POLR1C: variants seen among roughly 807,000 people sequenced by gnomAD.
POLR1C encodes the protein RNA polymerase I and III subunit C.
POLR1C carries 42 observed loss-of-function variants against 38.3 expected under a neutral mutation model. The ratio of observed to expected loss-of-function variants is 1.10; its 90% confidence interval spans 0.86 to 1.42. POLR1C has a LOEUF of 1.42. Among genes scored for constraint, POLR1C ranks in the 40% most tolerant of loss-of-function variants. POLR1C has a pLI of 0.00. For missense variants in POLR1C, 507 were observed against 450.5 expected, an observed-to-expected ratio of 1.13 and a Z score of -1.14; for synonymous variants, 163 against 163.9, an observed-to-expected ratio of 0.99 and a Z score of 0.04.
chr6:43,546,582 A>G, intron 9 of POLR1C: 3 of 1,608,390 alleles, frequency 1.9e-6, no homozygotes, highest in South Asian at 1.1e-5. Flanking sequence ...TTATAAGCGC[A>G]AGCAAATTGT....
chr6:43,524,961 G>T, downstream of POLR1C: 1 of 1,613,122 alleles, frequency 6.2e-7, no homozygotes, highest in Non-Finnish European at 8.5e-7. Flanking sequence ...CAGTGTCCCT[G>T]ACAGCACCTG....
chr6:43,560,311 G>GAAA, intron 10 of POLR1C: 1 of 1,418,134 alleles, frequency 7.1e-7, no homozygotes, highest in Non-Finnish European at 9.4e-7. Flanking sequence ...AAACTAAAGA[G>GAAA]AAAAAAAAAA....
intron 9 of POLR1C, chr6:43,547,377 GA>G (rs1795012410): frequency 1.6e-6 from 1 of 608,438 alleles, no homozygotes; most frequent in Non-Finnish European, 3.0e-6. Flanking sequence ...GCTATTTAGA[GA>G]TCCTTAAAGC....
downstream of POLR1C, chr6:43,524,071 C>A: frequency 6.4e-7 from 1 of 1,571,252 alleles, no homozygotes. Flanking sequence ...ATTCTCTTGG[C>A]CCGGCGCAGT....
downstream of POLR1C, among the ~76,000 whole-genome samples, chr6:43,534,514 C>A (rs959075676): frequency 6.6e-6 from 1 of 152,180 alleles, no homozygotes; most frequent in East Asian, 1.9e-4. Flanking sequence ...AAATGACCTA[C>A]CTGAGCAATT....
downstream of POLR1C, among the ~76,000 whole-genome samples, chr6:43,524,311 C>T (rs955238300): frequency 6.7e-6 from 1 of 150,278 alleles, no homozygotes; most frequent in Non-Finnish European, 1.5e-5. Context: ...GAGATCGTAC[C>T]ACTGCACTCC....
intron 9 of POLR1C, chr6:43,547,664 C>A (rs1276451447): frequency 6.2e-7 from 1 of 1,614,028 alleles, no homozygotes; most frequent in Middle Eastern, 1.6e-4. Context: ...CTCTTCTGAT[C>A]TGTACCCACA....
chr6:43,526,361 A>G, downstream of POLR1C: 1 of 422,026 alleles, frequency 2.4e-6, no homozygotes, highest in Non-Finnish European at 4.4e-6. Flanking sequence ...AGAATAAAGC[A>G]GAGGAATACA....
chr6:43,533,848 A>G, downstream of POLR1C: 1 of 1,315,472 alleles, frequency 7.6e-7, no homozygotes, highest in African/African-American at 1.5e-5. Flanking sequence ...ACAACAAAAA[A>G]AGGGGACATC....
In POLR1C at chr6:43,541,664, C is replaced by T. The variant is rs374546205; in HGVS notation, c.*5-9304C>T. On this transcript the variant is annotated intron_variant, in intron 9 of 10. Transcript: ENST00000607635. ...GATATTTCATAAAAATGAAATCATACAACATATGGCCTTTTGTGTCTGGCT... is the reference window on the plus strand; with the variant it reads ...GATATTTCATAAAAATGAAATCATATAACATATGGCCTTTTGTGTCTGGCT... 8.5e-5 allele frequency among the ~76,000 whole-genome samples: 13 copies of T among 152,318 alleles called. No homozygotes were observed. The South Asian group carries it at 2.5e-3, about 29-fold the overall frequency.
intron 2 of POLR1C, among the ~76,000 whole-genome samples, chr6:43,517,971 TTTTTAACCTG>T (rs1424552733): frequency 5.9e-5 from 9 of 152,172 alleles, no homozygotes; most frequent in Non-Finnish European, 1.3e-4. Context: ...AAATTTTACT[TTTTTAACCTG>T]TTGATACAAG....
rs865979957 is a variant in POLR1C at position 43,520,977 on chromosome 6, G to A, written c.851G>A (p.Ser284Asn). 8 of 1,614,098 alleles carry A rather than the reference G, an allele frequency of 5.0e-6. No homozygotes were observed. In the Admixed American group the frequency reaches 1.0e-4, roughly 20 times the overall value. ...GCCAACCCCCGGCTGGATACCTTCAGCAGAGAAATCTTCCGGAATGAGAAG... is the reference window on the plus strand; with the variant it reads ...GCCAACCCCCGGCTGGATACCTTCAACAGAGAAATCTTCCGGAATGAGAAG... Reference protein sequence around the residue: ...RVANPRLDTFSREIFRNEKLK... With the variant: ...RVANPRLDTFNREIFRNEKLK... Residue 284 changes from serine (S) to asparagine (N), a missense_variant, in exon 8 of 9, where the codon AGC (serine) becomes AAC (asparagine). Coordinates refer to ENST00000642195, the MANE Select transcript of POLR1C (RefSeq NM_203290.4).
chr6:43,544,784 T>C (rs961265989), intron 9 of POLR1C, among the ~76,000 whole-genome samples: 4 of 152,214 alleles, frequency 2.6e-5, no homozygotes, highest in African/African-American at 4.8e-5. Context: ...AAGCCTCTTC[T>C]TGACTAAATG....
Position 43,517,109 on chromosome 6 carries a change from G to A in POLR1C, c.-1G>A, listed in dbSNP as rs1792870129. On this transcript the variant is annotated 5_prime_UTR_variant, in exon 1 of 9. Transcript: ENST00000642195. ...CCTCTAGTCTCGTGGAGAGATTGAA[G>A]ATGGCGGCTTCTCAGGCGGTGGAGG... 1 of 1,614,224 alleles carries A rather than the reference G, an allele frequency of 6.2e-7. No homozygotes were observed. Among genetic ancestry groups the A allele is most frequent in the South Asian group, 1.1e-5 (1 of 91,088 alleles).
intron 9 of POLR1C, among the ~76,000 whole-genome samples, chr6:43,540,850 A>C (rs1182077204): frequency 6.6e-6 from 1 of 152,142 alleles, no homozygotes; most frequent in Non-Finnish European, 1.5e-5. Context: ...TATTTTTATT[A>C]AGATTTTAAA....
intron 9 of POLR1C, chr6:43,548,161 C>T (rs971902389): frequency 9.5e-6 from 11 of 1,160,242 alleles, no homozygotes; most frequent in Non-Finnish European, 1.2e-5. Context: ...AATGCCATCA[C>T]ACTTCAATAT....
chr6:43,539,673 G>GC (rs988915260), intron 9 of POLR1C: 105 of 1,000,692 alleles, frequency 1.0e-4, no homozygotes, highest in Middle Eastern at 3.1e-4. Flanking sequence ...GGGCCTCCAG[G>GC]CCCCCCCACT....
At chr6:43,548,954 C>T (rs1017506631) in intron 9 of POLR1C, among the ~76,000 whole-genome samples, 2 of 152,098 alleles carry the variant, frequency 1.3e-5, no homozygotes, top group South Asian at 2.1e-4. Context: ...TAGGGGTAAA[C>T]TTAGTAATCT....
downstream of POLR1C, chr6:43,521,517 T>C (rs1793189421): frequency 7.7e-7 from 1 of 1,297,100 alleles, no homozygotes; most frequent in Non-Finnish European, 9.9e-7. Flanking sequence ...AAAAAAACTT[T>C]TTGAGACTAC....
Sources: allele counts gnomAD v4.1 joint callset (sites outside exome capture counted in the v4.1 genomes callset), GRCh38; gene constraint gnomAD v4.1.1; transcripts MANE v1.5; gene names NCBI Gene and HGNC (gene_info 2026-07-23, HGNC 2026-07-21).